SNX31: variants seen among roughly 807,000 people sequenced by gnomAD.
SNX31 encodes sorting nexin-31.
In SNX31, 58 loss-of-function variants were observed where a neutral mutation model predicts 65.4. That is an observed-to-expected ratio of 0.89 (90% confidence interval 0.72 to 1.10). The LOEUF is 1.10. Among genes scored for constraint, SNX31 ranks in the 50% least tolerant of loss-of-function variants. SNX31 has a pLI of 0.00. For missense variants in SNX31, 523 were observed against 529.7 expected, an observed-to-expected ratio of 0.99 and a Z score of 0.12; for synonymous variants, 181 against 190.1, an observed-to-expected ratio of 0.95 and a Z score of 0.39.
At chr8:100,634,432 A>G (rs773555432) in intron 3 of SNX31, among the ~76,000 whole-genome samples, 1 of 152,038 alleles carries the variant, frequency 6.6e-6, no homozygotes, top group Non-Finnish European at 1.5e-5. Flanking sequence ...AAGCCAAAAT[A>G]CAGCACCCAA....
chr8:100,631,644 A>G (rs1818425693), intron 3 of SNX31, among the ~76,000 whole-genome samples: 1 of 151,988 alleles, frequency 6.6e-6, no homozygotes, highest in Admixed American at 6.6e-5. Context: ...CAGCATTCAA[A>G]ACTATCACTG....
At chr8:100,579,251 A>G (rs928132569) in intron 12 of SNX31, among the ~76,000 whole-genome samples, 1 of 152,074 alleles carries the variant, frequency 6.6e-6, no homozygotes, top group Non-Finnish European at 1.5e-5. Flanking sequence ...AAATCGAACC[A>G]CTACAAATGT....
At position 100,626,132 on chromosome 8, in the gene SNX31, A is replaced by G. The variant is rs1256107396; in HGVS notation, c.321+4195T>C. On this transcript the variant is annotated intron_variant, in intron 4 of 13. Coordinates refer to ENST00000311812, the MANE Select transcript of SNX31 (RefSeq NM_152628.4). The surrounding 1 kb of genome is among the most constrained non-coding windows in gnomAD (Gnocchi z 4.4). ...TCCCAGCAACTCAGGAGGCTGAGAC[A>G]GGAGAATCGCTTGAACCCAGGAGGT... 6.6e-6 allele frequency among the ~76,000 whole-genome samples: 1 copy of G among 152,320 alleles called. No individual in the cohort carries two copies. The highest frequency in any genetic ancestry group is 1.9e-4 in the East Asian group (1 of 5,182).
intron 4 of SNX31, chr8:100,618,457 C>T: frequency 2.8e-6 from 2 of 723,944 alleles, no homozygotes; most frequent in Non-Finnish European, 4.7e-6. Context: ...TTGAACATCA[C>T]AATGGCTGTC....
intron 9 of SNX31, among the ~76,000 whole-genome samples, chr8:100,597,178 A>G (rs1426191014): frequency 6.6e-6 from 1 of 152,206 alleles, no homozygotes; most frequent in Non-Finnish European, 1.5e-5. Flanking sequence ...GAGTCCATAA[A>G]ATGGATGAAC....
chr8:100,621,559 G>T (rs1817695075), intron 4 of SNX31, among the ~76,000 whole-genome samples: 1 of 152,152 alleles, frequency 6.6e-6, no homozygotes, highest in South Asian at 2.1e-4. Context: ...CTTACCACCA[G>T]CACCTTAGAC....
chr8:100,596,941 T>G, intron 9 of SNX31, 99 bp from the exon 10 acceptor site: 2 of 986,992 alleles, frequency 2.0e-6, no homozygotes, highest in Non-Finnish European at 3.2e-6. Context: ...ACTGCCATTC[T>G]AGGATAATAC....
Position 100,588,724 on chromosome 8 carries a change from G to A in SNX31, c.1092+142C>T, listed in dbSNP as rs1814282224. The A allele has an allele frequency of 2.2e-6, 1 of 463,214 alleles. No individual in the cohort carries two copies. Among genetic ancestry groups the A allele is most frequent in the Non-Finnish European group, 3.8e-6 (1 of 259,818 alleles). 28.7% of individuals were successfully genotyped at this position (463,214 alleles called of 1,614,324 possible). A position where few individuals can be genotyped will look rare whatever the true frequency, so the allele number is the denominator to read the frequency against. ...TAACAAAACATAAAACAAAATAAAA[G>A]GTATTACGGTCCCGAACGAGAGTGC... On this transcript the variant is annotated intron_variant, in intron 11 of 13. Transcript: ENST00000311812. The surrounding 1 kb of genome is among the most constrained non-coding windows in gnomAD (Gnocchi z 4.8).
chr8:100,574,950 G>T (rs1306123807), intron 13 of SNX31, among the ~76,000 whole-genome samples: 1 of 152,038 alleles, frequency 6.6e-6, no homozygotes, highest in Non-Finnish European at 1.5e-5. Context: ...AAAAAAAAGT[G>T]TTATGCTTAT....
intron 4 of SNX31, among the ~76,000 whole-genome samples, chr8:100,621,608 A>G (rs952812574): frequency 1.3e-5 from 2 of 152,150 alleles, no homozygotes; most frequent in Non-Finnish European, 2.9e-5. Context: ...CCCCACTTCA[A>G]TGGGCTCCTT....
chr8:100,625,857 T>TC lies in SNX31; in HGVS notation c.321+4469dup, dbSNP rs1239229386. On this transcript the variant is annotated intron_variant, in intron 4 of 13. Coordinates refer to ENST00000311812, the MANE Select transcript of SNX31 (RefSeq NM_152628.4). This position sits in a 1 kb window ranked among gnomAD's most constrained non-coding sequence, Gnocchi z 4.2. The stretch of plus-strand genomic sequence containing the variant: ...GGATGCTGAAGAGATGTACAGACAC[T>TC]CCATCTTTGCAAAAAGCAATCTCTC... Among the ~76,000 whole-genome samples, 2 of 152,170 alleles carry TC rather than the reference T, an allele frequency of 1.3e-5. No individual in the cohort carries two copies. Among genetic ancestry groups the TC allele is most frequent in the Non-Finnish European group, 2.9e-5 (2 of 68,044 alleles).
chr8:100,649,257 G>A lies in SNX31; in HGVS notation c.141+17C>T, dbSNP rs745419561. 3 of 1,612,590 alleles carry A rather than the reference G, an allele frequency of 1.9e-6. No homozygotes were observed. The highest frequency in any genetic ancestry group is 3.3e-5 in the Admixed American group (2 of 59,982). The stretch of plus-strand genomic sequence containing the variant: ...TGTCTCAGTGGATGGGCTCGTACCC[G>A]CCTCCAATCTGCTCACCTGTTCGTT... On this transcript the variant is annotated intron_variant, in intron 2 of 13. Transcript: ENST00000311812.
intron 8 of SNX31, among the ~76,000 whole-genome samples, chr8:100,602,503 T>G (rs1341870546): frequency 2.6e-5 from 4 of 152,176 alleles, no homozygotes; most frequent in Non-Finnish European, 5.9e-5. Flanking sequence ...ATATACTATG[T>G]TTTTTCCTGC....
In SNX31 at chr8:100,576,717, A is replaced by G. The variant is rs868641579; in HGVS notation, c.1227+302T>C. ...CCAAAATATACTAGATATGTAACAT[A>G]TACAAATTAGAAAGAGAGTTGCCTC... On this transcript the variant is annotated intron_variant, in intron 13 of 13. Transcript: ENST00000311812. The surrounding 1 kb of genome is among the most constrained non-coding windows in gnomAD (Gnocchi z 4.8). Among the ~76,000 whole-genome samples the G allele has an allele frequency of 3.6e-4, 55 of 152,346 alleles. No homozygotes were observed. The highest frequency in any genetic ancestry group is 1.3e-3 in the African/African-American group (52 of 41,584).
rs942049808 is a variant in SNX31, at chr8:100,612,100, G to C, written c.524-13C>G. 20 of 1,595,794 alleles carry C rather than the reference G, an allele frequency of 1.3e-5. No homozygotes were observed. The highest frequency in any genetic ancestry group is 1.6e-5 in the Non-Finnish European group (19 of 1,163,524). On this transcript the variant is annotated splice_polypyrimidine_tract_variant and intron_variant, in intron 6 of 13. Transcript: ENST00000311812. The surrounding 1 kb of genome is among the most constrained non-coding windows in gnomAD (Gnocchi z 4.3). ...AATTTTTTCACAACTAGAGAAAGGA[G>C]AAAGCCGGTCTTACTGGTTGAAACA...
chr8:100,587,004 T>G (rs946208556), intron 11 of SNX31, among the ~76,000 whole-genome samples: 1 of 152,220 alleles, frequency 6.6e-6, no homozygotes, highest in Non-Finnish European at 1.5e-5. Context: ...TAAAAGCCTA[T>G]GGTAGACATG....
rs116793261 is a variant in SNX31 at position 100,599,368 on chromosome 8, C to A, written c.774+981G>T. 6.4e-3 allele frequency among the ~76,000 whole-genome samples: 971 copies of A among 151,928 alleles called. 18 individuals are homozygous for A. Among genetic ancestry groups the A allele is most frequent in the African/African-American group, 0.023 (940 of 41,394 alleles). ...TGGTGTACACAGTTTGTAATTGCAT[C>A]TGAAGTAACAGCAATATTCTATCCA... On this transcript the variant is annotated intron_variant, in intron 9 of 13. Transcript: ENST00000311812.
chr8:100,590,229 T>C (rs1005438978), intron 10 of SNX31, among the ~76,000 whole-genome samples: 1 of 152,118 alleles, frequency 6.6e-6, no homozygotes, highest in Non-Finnish European at 1.5e-5. Context: ...AAAAAAGAAA[T>C]AGGGAAAGAA....
intron 1 of SNX31, among the ~76,000 whole-genome samples, chr8:100,656,087 C>A (rs1399050701): frequency 6.6e-6 from 1 of 152,096 alleles, no homozygotes; most frequent in Non-Finnish European, 1.5e-5. Context: ...ATATCTGCAG[C>A]AAGGAAACCT....
Sources: allele counts gnomAD v4.1 joint callset (sites outside exome capture counted in the v4.1 genomes callset), GRCh38; gene constraint gnomAD v4.1.1; non-coding constraint Gnocchi (gnomAD v3.1); transcripts MANE v1.5; gene names NCBI Gene and HGNC (gene_info 2026-07-23, HGNC 2026-07-21).